ADGRV1: variants seen among roughly 807,000 people sequenced by gnomAD.
ADGRV1 encodes the protein G-protein coupled receptor 98.
In ADGRV1, 359 loss-of-function variants were observed where a neutral mutation model predicts 596.2. That is an observed-to-expected ratio of 0.60 (90% CI 0.55 to 0.66). The LOEUF is 0.66. Ranked by LOEUF, ADGRV1 falls within the 30% of genes least tolerant of loss-of-function variation. The pLI is 0.00. For synonymous variants in ADGRV1, 2,681 were observed against 2,679.2 expected (o/e 1.00, Z -0.02); for missense variants, 7,274 against 7,575.6 (o/e 0.96, Z 1.48).
At chr5:90,891,853 A>G (rs1770856286) in intron 83 of ADGRV1, among the ~76,000 whole-genome samples, 1 of 152,024 alleles carries the variant, frequency 6.6e-6, no homozygotes, top group African/African-American at 2.4e-5. Flanking sequence ...GGGAAGCAGT[A>G]ATATATTTGT....
intron 82 of ADGRV1, among the ~76,000 whole-genome samples, chr5:90,856,451 G>A (rs1311326531): frequency 6.6e-6 from 1 of 152,080 alleles, no homozygotes; most frequent in Non-Finnish European, 1.5e-5. Flanking sequence ...AAATTAAATT[G>A]TATTAATGTC....
chr5:90,781,843 G>A (rs570075714), intron 65 of ADGRV1, among the ~76,000 whole-genome samples: 29 of 152,178 alleles, frequency 1.9e-4, no homozygotes, highest in Middle Eastern at 6.8e-3. Context: ...AAATGTTTCT[G>A]TTTCAAACAT....
chr5:90,638,464 G>C (rs1355611825), intron 11 of ADGRV1, among the ~76,000 whole-genome samples: 1 of 151,136 alleles, frequency 6.6e-6, no homozygotes, highest in Non-Finnish European at 1.5e-5. Flanking sequence ...TACTTTTTCA[G>C]TAATAAATAA....
intron 53 of ADGRV1, among the ~76,000 whole-genome samples, chr5:90,751,178 C>T (rs997069785): frequency 2.6e-5 from 4 of 152,102 alleles, no homozygotes; most frequent in Admixed American, 2.6e-4. Flanking sequence ...TGGGGAGATA[C>T]ATCTATGAGG....
At chr5:90,778,685 A>C (rs1381188531) in intron 63 of ADGRV1, 76 bp downstream of exon 63, 2 of 1,275,422 alleles carry the variant, frequency 1.6e-6, no homozygotes, top group Non-Finnish European at 2.1e-6. Flanking sequence ...TTTCTATTCC[A>C]GAGTTTTCAT....
chr5:90,900,598 A>G (rs1477419069), intron 83 of ADGRV1, among the ~76,000 whole-genome samples: 1 of 152,064 alleles, frequency 6.6e-6, no homozygotes, highest in Non-Finnish European at 1.5e-5. Context: ...AAATTTCGAG[A>G]TCTCTCAACA....
chr5:90,736,549 T>C (rs1273703128), intron 50 of ADGRV1, among the ~76,000 whole-genome samples: 1 of 152,080 alleles, frequency 6.6e-6, no homozygotes, highest in Non-Finnish European at 1.5e-5. Context: ...GGATTGGTAT[T>C]TGCTCTTGAA....
At chr5:90,885,324 A>T (rs1262791917) in intron 83 of ADGRV1, among the ~76,000 whole-genome samples, 1 of 152,162 alleles carries the variant, frequency 6.6e-6, no homozygotes, top group African/African-American at 2.4e-5. Flanking sequence ...CAGGTGATTA[A>T]CTCAAAGACT....
intron 76 of ADGRV1, among the ~76,000 whole-genome samples, chr5:90,826,354 A>G (rs1046435901): frequency 2.6e-5 from 4 of 152,182 alleles, no homozygotes; most frequent in African/African-American, 9.6e-5. Flanking sequence ...TTGTCAAAGG[A>G]AAGACATCAG....
At chr5:90,783,048 C>A in intron 65 of ADGRV1, 76 bp from the exon 66 acceptor site, 1 of 1,162,998 alleles carries the variant, frequency 8.6e-7, no homozygotes, top group Non-Finnish European at 1.3e-6. Context: ...GTTTAATTGC[C>A]AGGTTTAATT....
At chr5:90,683,186 A>G (rs558857924) in intron 27 of ADGRV1, among the ~76,000 whole-genome samples, 1 of 151,916 alleles carries the variant, frequency 6.6e-6, no homozygotes, top group East Asian at 1.9e-4. Context: ...TCATGCAACA[A>G]TCGCCTTTGA....
At chr5:90,578,746 CT>C (rs1757567674) in intron 1 of ADGRV1, among the ~76,000 whole-genome samples, 1 of 152,028 alleles carries the variant, frequency 6.6e-6, no homozygotes, top group Non-Finnish European at 1.5e-5. Context: ...TGGTCGTGGA[CT>C]TTTTTGGTTG....
intron 84 of ADGRV1, among the ~76,000 whole-genome samples, chr5:90,976,406 A>G (rs1315177778): frequency 1.4e-5 from 2 of 147,548 alleles, no homozygotes; most frequent in Non-Finnish European, 3.0e-5. Context: ...CCTTTTTCCT[A>G]TGCTATAATA....
chr5:91,119,766 A>G (rs539037020), intron 87 of ADGRV1, among the ~76,000 whole-genome samples: 1 of 152,302 alleles, frequency 6.6e-6, no homozygotes, highest in South Asian at 2.1e-4. Context: ...CTCCATTGGC[A>G]TGACTTTGTA....
At chr5:91,131,906 T>C (rs1170972985) in intron 87 of ADGRV1, among the ~76,000 whole-genome samples, 2 of 152,234 alleles carry the variant, frequency 1.3e-5, no homozygotes, top group African/African-American at 2.4e-5. Flanking sequence ...TAAGTTTTCT[T>C]CTAGGATTTT....
intron 83 of ADGRV1, among the ~76,000 whole-genome samples, chr5:90,960,137 CAA>C (rs35383493): frequency 1.9e-5 from 2 of 104,002 alleles, no homozygotes; most frequent in Non-Finnish European, 2.0e-5. Flanking sequence ...AGACTCATCT[CAA>C]AAAAAAAAAA....
At chr5:90,712,171 A>G (rs762526363) in intron 41 of ADGRV1, 116 bp from the exon 42 acceptor site, 21 of 591,562 alleles carry the variant, frequency 3.5e-5, no homozygotes, top group African/African-American at 1.7e-4. Context: ...ACAAAATTCA[A>G]TGTAAAATAG....
chr5:91,077,466 C>T (rs1038885940), intron 86 of ADGRV1, among the ~76,000 whole-genome samples: 1 of 152,164 alleles, frequency 6.6e-6, no homozygotes, highest in Non-Finnish European at 1.5e-5. Flanking sequence ...TTTTTGTTCT[C>T]AACATCCCTT....
intron 86 of ADGRV1, among the ~76,000 whole-genome samples, chr5:91,098,822 G>A (rs1791112964): frequency 6.6e-6 from 1 of 152,130 alleles, no homozygotes. Flanking sequence ...TTGAAAATTG[G>A]TTCCTAGTTG....
Sources: gnomAD v4.1 joint callset for allele counts (sites outside exome capture counted in the v4.1 genomes callset) on GRCh38, gnomAD v4.1.1 for gene constraint, MANE v1.5 for transcripts, NCBI Gene and HGNC (gene_info 2026-07-23, HGNC 2026-07-21) for gene names.